The following MACROD2 variants were observed in gnomAD, a reference collection of about 807,000 sequenced individuals.
MACROD2 encodes the protein mono-ADP ribosylhydrolase 2.
Under a neutral mutation model 70.4 loss-of-function variants are expected in MACROD2, and 36 were observed. The observed-to-expected ratio is 0.51, with a 90% CI of 0.39 to 0.68. The LOEUF (loss-of-function observed/expected upper bound fraction) is 0.68, where lower values mean the gene tolerates loss of function less well. MACROD2 is among the 30% of genes least tolerant of loss of function. The probability of loss-of-function intolerance (pLI) is 0.00; values close to 1 mark genes in which losing one functional copy is unlikely to be tolerated. For missense variants in MACROD2, 496 were observed against 538.4 expected (o/e 0.92, Z 0.78); for synonymous variants, 172 against 178.8 (o/e 0.96, Z 0.30).
intron 3 of MACROD2, among the ~76,000 whole-genome samples, chr20:14,410,500 A>G (rs6110279): frequency 6.6e-6 from 1 of 151,996 alleles, no homozygotes. Context: ...TTCCTGTGTT[A>G]ATGCGTTTAG....
intron 7 of MACROD2, among the ~76,000 whole-genome samples, chr20:15,468,145 A>G (rs2046918849): frequency 6.6e-6 from 1 of 152,190 alleles, no homozygotes; most frequent in Non-Finnish European, 1.5e-5. Flanking sequence ...TTGAATTTGA[A>G]TAAGGACTAA....
intron 8 of MACROD2, 63 bp downstream of exon 8, chr20:15,499,910 C>A (rs6079854): frequency 0.14 from 204,385 of 1,453,118 alleles, 15,483 homozygotes; most frequent in Admixed American, 0.22. Context: ...CAGTTCCCCC[C>A]AAAAAAGCAC....
At chr20:15,323,010 C>G (rs1336981762) in intron 6 of MACROD2, among the ~76,000 whole-genome samples, 1 of 126,392 alleles carries the variant, frequency 7.9e-6, no homozygotes, top group Admixed American at 7.9e-5. Context: ...TCCATGGTCT[C>G]TAATGACCTC....
intron 5 of MACROD2, among the ~76,000 whole-genome samples, chr20:15,173,385 A>G (rs1420730488): frequency 3.3e-5 from 5 of 152,190 alleles, no homozygotes; most frequent in South Asian, 2.1e-4. Flanking sequence ...TTTCAGCCCA[A>G]TGGAGCATAT....
chr20:15,682,337 C>T (rs769991673), intron 8 of MACROD2, among the ~76,000 whole-genome samples: 6 of 152,126 alleles, frequency 3.9e-5, no homozygotes, highest in Non-Finnish European at 5.9e-5. Flanking sequence ...AATCAGACTC[C>T]ACTTAAATGC....
chr20:14,033,170 TC>T (rs1297772888), intron 2 of MACROD2, among the ~76,000 whole-genome samples: 1 of 151,654 alleles, frequency 6.6e-6, no homozygotes, highest in East Asian at 1.9e-4. Context: ...TTAGTTTTTT[TC>T]CCCCCAGATA....
intron 10 of MACROD2, among the ~76,000 whole-genome samples, chr20:15,901,606 G>T (rs904734466): frequency 6.6e-6 from 1 of 152,178 alleles, no homozygotes. Context: ...TGTATTAAAT[G>T]CATTTTTGCT....
chr20:15,908,368 C>T (rs917617376), intron 10 of MACROD2, among the ~76,000 whole-genome samples: 4 of 152,196 alleles, frequency 2.6e-5, no homozygotes, highest in Non-Finnish European at 5.9e-5. Context: ...GGTGACCACT[C>T]CCTTTCTCTT....
intron 5 of MACROD2, among the ~76,000 whole-genome samples, chr20:15,201,107 A>T (rs1274898289): frequency 2.6e-5 from 4 of 152,090 alleles, no homozygotes; most frequent in Non-Finnish European, 4.4e-5. Context: ...TTTAATTTAG[A>T]AGTACTCAAA....
chr20:15,122,931 A>G (rs2076041170), intron 5 of MACROD2, among the ~76,000 whole-genome samples: 1 of 152,140 alleles, frequency 6.6e-6, no homozygotes, highest in South Asian at 2.1e-4. Flanking sequence ...CCACCTGTTG[A>G]TACTCTTAAC....
chr20:15,216,546 A>G (rs2076812110), intron 5 of MACROD2, among the ~76,000 whole-genome samples: 1 of 152,230 alleles, frequency 6.6e-6, no homozygotes, highest in Non-Finnish European at 1.5e-5. Context: ...TTTAAAAATT[A>G]GAAATTGAGT....
chr20:14,691,064 T>C (rs1490960604), intron 5 of MACROD2, among the ~76,000 whole-genome samples: 1 of 152,130 alleles, frequency 6.6e-6, no homozygotes, highest in Non-Finnish European at 1.5e-5. Flanking sequence ...ATTACAGGCA[T>C]GCGCCACAAC....
chr20:15,435,588 C>T (rs557570333), intron 7 of MACROD2, among the ~76,000 whole-genome samples: 1 of 152,212 alleles, frequency 6.6e-6, no homozygotes, highest in African/African-American at 2.4e-5. Context: ...TGCCAATTTA[C>T]TGAGTGTGAA....
intron 5 of MACROD2, among the ~76,000 whole-genome samples, chr20:14,955,270 T>A (rs1330018995): frequency 7.2e-6 from 1 of 138,134 alleles, no homozygotes; most frequent in Non-Finnish European, 1.5e-5. Flanking sequence ...TAATATAATT[T>A]TTATTATATA....
intron 6 of MACROD2, among the ~76,000 whole-genome samples, chr20:15,294,464 A>G (rs1236069762): frequency 6.6e-6 from 1 of 152,212 alleles, no homozygotes; most frequent in East Asian, 1.9e-4. Context: ...ACTCAACCCA[A>G]GATAGCACAT....
At chr20:15,599,265 G>A (rs377485703) in intron 8 of MACROD2, among the ~76,000 whole-genome samples, 22 of 151,934 alleles carry the variant, frequency 1.4e-4, no homozygotes, top group Non-Finnish European at 3.1e-4. Context: ...GGTGGAGCAC[G>A]CCTGTAGTCC....
intron 3 of MACROD2, among the ~76,000 whole-genome samples, chr20:14,429,353 A>G (rs2083969604): frequency 6.6e-6 from 1 of 152,156 alleles, no homozygotes; most frequent in African/African-American, 2.4e-5. Flanking sequence ...CTGTTAGGTA[A>G]AAGTTTTACA....
At chr20:15,640,316 G>T (rs1475210966) in intron 8 of MACROD2, among the ~76,000 whole-genome samples, 1 of 152,088 alleles carries the variant, frequency 6.6e-6, no homozygotes, top group Non-Finnish European at 1.5e-5. Flanking sequence ...GAGAGAAGTG[G>T]ATAGCGAGAG....
rs147669964 is a variant in MACROD2 at position 15,925,438 on chromosome 20, A to T, written c.776-7838A>T. Among the ~76,000 whole-genome samples the T allele has an allele frequency of 2.3e-4, 35 of 152,332 alleles. No individual in the cohort carries two copies. In the South Asian group the frequency reaches 3.5e-3, roughly 15 times the overall value. ...TTGGATTAAAAACTAACGGTATCAA[A>T]GTATTTGTATTAACATGCCATATGG... On this transcript the variant is annotated intron_variant, in intron 10 of 17. Transcript: ENST00000684519.
Sources: gnomAD v4.1 joint callset for allele counts (sites outside exome capture counted in the v4.1 genomes callset) on GRCh38, gnomAD v4.1.1 for gene constraint, MANE v1.5 for transcripts, NCBI Gene and HGNC (gene_info 2026-07-23, HGNC 2026-07-21) for gene names.